The following MGAT3 variants were observed in gnomAD, a reference collection of about 807,000 sequenced individuals.
MGAT3 encodes the protein beta-1,4-mannosyl-glycoprotein 4-beta-N-acetylglucosaminyltransferase.
In MGAT3, 9 loss-of-function variants were observed where a neutral mutation model predicts 29.8. That is an observed-to-expected ratio of 0.30 (90% CI 0.18 to 0.53). The LOEUF is 0.53. MGAT3 is among the 20% of genes least tolerant of loss of function. MGAT3 has a pLI of 0.96. For missense variants in MGAT3, 557 were observed against 769.5 expected (o/e 0.72, Z 3.27); for synonymous variants, 397 against 348.9 (o/e 1.14, Z -1.54).
Position 39,463,396 on chromosome 22 carries a change from T to A in MGAT3, c.-2+5839T>A, listed in dbSNP as rs577138260. Among the ~76,000 whole-genome samples the A allele has an allele frequency of 1.8e-4, 28 of 152,256 alleles. No individual in the cohort carries two copies. The South Asian group carries it at 5.8e-3, about 32-fold the overall frequency. The stretch of plus-strand genomic sequence containing the variant: ...GACCTGTTCCTTCTCTCCCGTGGGC[T>A]CCCAGCAGGGCCTGTTCCCTGAGGC... On this transcript the variant is annotated intron_variant, in intron 1 of 1. Transcript: ENST00000341184.
Position 39,489,022 on chromosome 22 carries a change from T to C in MGAT3, c.*73T>C, listed in dbSNP as rs1929376757. 1 of 1,170,610 alleles carries C rather than the reference T, an allele frequency of 8.5e-7. No individual in the cohort carries two copies. The highest frequency in any genetic ancestry group is 3.1e-5 in the Admixed American group (1 of 32,702). 72.5% of individuals were successfully genotyped at this position (1,170,610 alleles called of 1,614,324 possible). ...CCCCTAGCGCTATCTCCCTGCCTCC[T>C]GCCGGCTCCTTGGTTCTTGAGGGGA... On this transcript the variant is annotated 3_prime_UTR_variant, in exon 2 of 2. Coordinates refer to ENST00000341184, the MANE Select transcript of MGAT3 (RefSeq NM_002409.5).
chr22:39,473,783 G>A (rs1048571554), intron 1 of MGAT3, among the ~76,000 whole-genome samples: 5 of 151,448 alleles, frequency 3.3e-5, no homozygotes, highest in African/African-American at 7.3e-5. Flanking sequence ...CCGGGTGATC[G>A]GGGCTAGGGG....
chr22:39,475,247 C>A (rs760083644), intron 1 of MGAT3, among the ~76,000 whole-genome samples: 50 of 149,846 alleles, frequency 3.3e-4, no homozygotes, highest in Non-Finnish European at 6.6e-4. Flanking sequence ...TTTTTGGGGG[C>A]GAGTCCCTGG....
At chr22:39,481,216 G>A (rs2145723552) in intron 1 of MGAT3, among the ~76,000 whole-genome samples, 1 of 152,152 alleles carries the variant, frequency 6.6e-6, no homozygotes. Flanking sequence ...TGTGCCTTCT[G>A]CCTGGAACAT....
At chr22:39,474,355 C>T (rs1928891897) in intron 1 of MGAT3, among the ~76,000 whole-genome samples, 1 of 152,092 alleles carries the variant, frequency 6.6e-6, no homozygotes, top group South Asian at 2.1e-4. Context: ...GGGACCCTTG[C>T]CTTGGGCAAG....
At chr22:39,485,800 A>G (rs1363554077) in intron 1 of MGAT3, among the ~76,000 whole-genome samples, 6 of 152,154 alleles carry the variant, frequency 3.9e-5, no homozygotes, top group Non-Finnish European at 7.4e-5. Context: ...AAAACAAACA[A>G]ACAAACAAAA....
chr22:39,490,200 C>T lies in MGAT3; in HGVS notation c.*1251C>T, dbSNP rs536800316. On this transcript the variant is annotated 3_prime_UTR_variant, in exon 2 of 2. Coordinates refer to ENST00000341184, the MANE Select transcript of MGAT3 (RefSeq NM_002409.5). ...CCTTCCAATTCTGGGTACACAGCGG[C>T]TGCTCCAGCGCCCACCCTCCTGTGT... is the stretch of plus-strand genomic sequence containing the variant. The T allele has an allele frequency of 6.0e-6, 1 of 167,264 alleles. No homozygotes were observed. Among genetic ancestry groups the T allele is most frequent in the Admixed American group, 6.5e-5 (1 of 15,312 alleles). The allele number at this position is 167,264 out of a possible 1,614,324, so 10.4% of individuals were successfully genotyped here.
At position 39,491,064 on chromosome 22, in the gene MGAT3, C is replaced by A. The variant is rs577713505; in HGVS notation, c.*2115C>A. ...ATCATCCCACCTGTCCCCTCCCCCCCACCTCCAGTGGGGCTTTCTCCAGAT... is the reference window on the plus strand; with the variant it reads ...ATCATCCCACCTGTCCCCTCCCCCCAACCTCCAGTGGGGCTTTCTCCAGAT... On this transcript the variant is annotated 3_prime_UTR_variant, in exon 2 of 2. Coordinates refer to ENST00000341184, the MANE Select transcript of MGAT3 (RefSeq NM_002409.5). This position sits in a 1 kb window ranked among gnomAD's most constrained non-coding sequence, Gnocchi z 5.5. 4.8e-5 allele frequency: 8 copies of A among 167,338 alleles called. No homozygotes were observed. Among genetic ancestry groups the A allele is most frequent in the Non-Finnish European group, 8.8e-5 (6 of 68,240 alleles). The allele number at this position is 167,338 out of a possible 1,614,324, so 10.4% of individuals were successfully genotyped here.
In MGAT3 at chr22:39,457,777, C is replaced by G. The variant is rs1269830555; in HGVS notation, c.-2+220C>G. ...CTCGGCGCGGGCCCCCTCCCCCTAC[C>G]CGCCGCTCCTCCGAGCTCCCCGGTC... is the stretch of plus-strand genomic sequence containing the variant. On this transcript the variant is annotated intron_variant, in intron 1 of 1. Coordinates refer to ENST00000341184, the MANE Select transcript of MGAT3 (RefSeq NM_002409.5). This position sits in a 1 kb window ranked among gnomAD's most constrained non-coding sequence, Gnocchi z 6.8. Among the ~76,000 whole-genome samples the G allele has an allele frequency of 6.6e-6, 1 of 151,018 alleles. No individual in the cohort carries two copies. Among genetic ancestry groups the G allele is most frequent in the Non-Finnish European group, 1.5e-5 (1 of 67,514 alleles).
rs9623008 is a variant in MGAT3 at position 39,487,731 on chromosome 22, G to C, written c.384G>C (p.Pro128=). 82,360 of 1,551,896 alleles carry C rather than the reference G, an allele frequency of 0.053. 3,176 individuals are homozygous for C. The highest frequency in any genetic ancestry group is 0.19 in the African/African-American group (13,645 of 72,836). Residue 128 remains proline (P), a synonymous_variant, in exon 2 of 2, where the codon CCG becomes CCC. Coordinates refer to ENST00000341184, the MANE Select transcript of MGAT3 (RefSeq NM_002409.5). The surrounding 1 kb of genome is among the most constrained non-coding windows in gnomAD (Gnocchi z 5.7). ...FKPGTKMLER[P]PPGRPEEKPE... ...CCGGCACCAAGATGCTGGAGAGGCC[G>C]CCCCCGGGACGGCCGGAGGAGAAGC... is the stretch of plus-strand genomic sequence containing the variant.
At chr22:39,458,494 A>G (rs954471065) in intron 1 of MGAT3, among the ~76,000 whole-genome samples, 1 of 151,680 alleles carries the variant, frequency 6.6e-6, no homozygotes, top group Non-Finnish European at 1.5e-5. Flanking sequence ...TCGTTTGGGG[A>G]GGGGGAGCAG....
chr22:39,483,331 C>A (rs2145724865), intron 1 of MGAT3, among the ~76,000 whole-genome samples: 1 of 152,186 alleles, frequency 6.6e-6, no homozygotes, highest in East Asian at 1.9e-4. Flanking sequence ...CCCACCTCTA[C>A]TAAAGATACA....
At chr22:39,467,645 C>T (rs554793746) in intron 1 of MGAT3, among the ~76,000 whole-genome samples, 6 of 146,896 alleles carry the variant, frequency 4.1e-5, no homozygotes, top group African/African-American at 1.6e-4. Context: ...CTTCTTTTTT[C>T]TTTTCTTTTC....
intron 1 of MGAT3, among the ~76,000 whole-genome samples, chr22:39,482,147 ATTT>A (rs11380222): frequency 7.5e-6 from 1 of 134,088 alleles, no homozygotes; most frequent in Non-Finnish European, 1.6e-5. Context: ...GGCACTGCTA[ATTT>A]TTTTTTTTTT....
At chr22:39,468,670 G>A (rs1011329984) in intron 1 of MGAT3, among the ~76,000 whole-genome samples, 1 of 150,188 alleles carries the variant, frequency 6.7e-6, no homozygotes, top group African/African-American at 2.5e-5. Context: ...TTGACTGGAA[G>A]GTGCGGGTGT....
Position 39,491,926 on chromosome 22 carries a change from C to T in MGAT3, c.*2977C>T, listed in dbSNP as rs183751844. 32 of 167,050 alleles carry T rather than the reference C, an allele frequency of 1.9e-4. No homozygotes were observed. Among genetic ancestry groups the T allele is most frequent in the Admixed American group, 7.2e-4 (11 of 15,272 alleles). The allele number at this position is 167,050 out of a possible 1,614,324, so 10.3% of individuals were successfully genotyped here. On this transcript the variant is annotated 3_prime_UTR_variant, in exon 2 of 2. Transcript: ENST00000341184. The surrounding 1 kb of genome is among the most constrained non-coding windows in gnomAD (Gnocchi z 5.5). ...GCTGGCCTTATCCACCCATGGGTCACGTCGGTTCCCAGGGGCAGCATGGGA... is the reference window on the plus strand; with the variant it reads ...GCTGGCCTTATCCACCCATGGGTCATGTCGGTTCCCAGGGGCAGCATGGGA...
At chr22:39,483,000 G>GTCCAC (rs1929170399) in intron 1 of MGAT3, among the ~76,000 whole-genome samples, 1 of 152,264 alleles carries the variant, frequency 6.6e-6, no homozygotes, top group South Asian at 2.1e-4. Context: ...ACCTCAGCAG[G>GTCCAC]TCCACGGAGG....
Position 39,489,108 on chromosome 22 carries a change from C to A in MGAT3, c.*159C>A. ...TTTCCCTACTGAAGCCCTTGTGAAT[C>A]AAGGGTCAGGCCTTTGAGCTCAGAA... On this transcript the variant is annotated 3_prime_UTR_variant, in exon 2 of 2. Coordinates refer to ENST00000341184, the MANE Select transcript of MGAT3 (RefSeq NM_002409.5). 1 of 1,001,386 alleles carries A rather than the reference C, an allele frequency of 1.0e-6. No individual in the cohort carries two copies. Among genetic ancestry groups the A allele is most frequent in the Non-Finnish European group, 1.4e-6 (1 of 690,398 alleles). The allele number at this position is 1,001,386 out of a possible 1,614,324, so 62.0% of individuals were successfully genotyped here. A position where few individuals can be genotyped will look rare whatever the true frequency, so the allele number is the denominator to read the frequency against.
At chr22:39,459,454 G>A (rs993304225) in intron 1 of MGAT3, among the ~76,000 whole-genome samples, 1 of 151,954 alleles carries the variant, frequency 6.6e-6, no homozygotes, top group Non-Finnish European at 1.5e-5. Flanking sequence ...TCTGTGAAAT[G>A]GGGAGGTTTT....
Sources: gnomAD v4.1 joint callset for allele counts (sites outside exome capture counted in the v4.1 genomes callset) on GRCh38, gnomAD v4.1.1 for gene constraint, Gnocchi (gnomAD v3.1) non-coding constraint, MANE v1.5 for transcripts, NCBI Gene and HGNC (gene_info 2026-07-23, HGNC 2026-07-21) for gene names.